The following ANKRD33B variants were observed in gnomAD, a reference collection of about 807,000 sequenced individuals.
ANKRD33B encodes ankyrin repeat domain 33B, also known as ankyrin repeat domain-containing protein 33B.
Under a neutral mutation model 21.5 loss-of-function variants are expected in ANKRD33B, and 6 were observed. The observed-to-expected ratio is 0.28, with a 90% CI of 0.15 to 0.55. The LOEUF (loss-of-function observed/expected upper bound fraction) is 0.55. Among genes scored for constraint, ANKRD33B ranks in the 20% least tolerant of loss-of-function variants. The pLI is 0.94. For synonymous variants in ANKRD33B, 347 were observed against 342.4 expected (o/e 1.01, Z -0.15); for missense variants, 698 against 747.2 (o/e 0.93, Z 0.77).
chr5:10,642,665 T>C (rs529153866), intron 3 of ANKRD33B, among the ~76,000 whole-genome samples: 7 of 152,204 alleles, frequency 4.6e-5, no homozygotes, highest in Non-Finnish European at 8.8e-5. Flanking sequence ...CTCGGGTGCA[T>C]GCTGGGCTTG....
At chr5:10,601,883 TC>T (rs1293939147) in intron 1 of ANKRD33B, among the ~76,000 whole-genome samples, 3 of 152,032 alleles carry the variant, frequency 2.0e-5, no homozygotes, top group Non-Finnish European at 4.4e-5. Flanking sequence ...GGCTGCCATT[TC>T]CCCCCATGGG....
intron 1 of ANKRD33B, among the ~76,000 whole-genome samples, chr5:10,568,006 A>T (rs947491768): frequency 6.6e-6 from 1 of 152,238 alleles, no homozygotes; most frequent in Non-Finnish European, 1.5e-5. Flanking sequence ...ATCTCTGGGC[A>T]TTTAAGAAGG....
chr5:10,564,958 A>T, intron 1 of ANKRD33B, 125 bp downstream of exon 1: 1 of 1,322,378 alleles, frequency 7.6e-7, no homozygotes, highest in Non-Finnish European at 1.0e-6. Context: ...GCCGCCGCCC[A>T]GAGCGCCTTT....
intron 2 of ANKRD33B, among the ~76,000 whole-genome samples, chr5:10,627,711 T>C (rs912743711): frequency 6.6e-6 from 1 of 152,246 alleles, no homozygotes; most frequent in Non-Finnish European, 1.5e-5. Context: ...GTGATGTTCA[T>C]GTTGTTTTGA....
intron 1 of ANKRD33B, among the ~76,000 whole-genome samples, chr5:10,617,102 C>A (rs1433584982): frequency 6.6e-6 from 1 of 152,220 alleles, no homozygotes; most frequent in Non-Finnish European, 1.5e-5. Flanking sequence ...GAGGACTCCA[C>A]CCTCGTGATC....
chr5:10,613,098 C>A (rs970266371), intron 1 of ANKRD33B, among the ~76,000 whole-genome samples: 1 of 152,138 alleles, frequency 6.6e-6, no homozygotes, highest in South Asian at 2.1e-4. Flanking sequence ...ATAGGCCCCA[C>A]GTGGCTCTGG....
At chr5:10,584,269 G>A (rs1461727614) in intron 1 of ANKRD33B, among the ~76,000 whole-genome samples, 1 of 152,170 alleles carries the variant, frequency 6.6e-6, no homozygotes, top group African/African-American at 2.4e-5. Context: ...CTGTCAGCTG[G>A]GGGCGGTGGC....
At chr5:10,615,643 CT>C (rs1272738442) in intron 1 of ANKRD33B, among the ~76,000 whole-genome samples, 3 of 152,268 alleles carry the variant, frequency 2.0e-5, no homozygotes, top group East Asian at 1.9e-4. Context: ...TGGTCTATAA[CT>C]TTTTTTCTTC....
intron 1 of ANKRD33B, among the ~76,000 whole-genome samples, chr5:10,618,033 G>A (rs574859039): frequency 3.3e-5 from 5 of 152,216 alleles, no homozygotes; most frequent in East Asian, 1.9e-4. Flanking sequence ...ATTTCTCTAC[G>A]AGCCCCATAG....
intron 2 of ANKRD33B, among the ~76,000 whole-genome samples, chr5:10,633,991 A>G (rs1736797690): frequency 6.6e-6 from 1 of 152,214 alleles, no homozygotes; most frequent in Non-Finnish European, 1.5e-5. Flanking sequence ...AGGGGGGAAC[A>G]CGTTCTAGCC....
Position 10,657,209 on chromosome 5 carries a change from C to T in ANKRD33B, c.*7096C>T, listed in dbSNP as rs145801837. ...CAAGCCCGTGAGCCTTTGGGGCATCCGACTGAATTTGAAAATAATACCCCA... is the reference window on the plus strand; with the variant it reads ...CAAGCCCGTGAGCCTTTGGGGCATCTGACTGAATTTGAAAATAATACCCCA... On this transcript the variant is annotated 3_prime_UTR_variant, in exon 4 of 4. Transcript: ENST00000296657. The T allele has an allele frequency of 1.4e-3, 211 of 152,438 alleles. 2 individuals carry two copies. The highest frequency in any genetic ancestry group is 4.8e-3 in the African/African-American group (201 of 41,564). The allele number at this position is 152,438 out of a possible 1,614,324, so 9.4% of individuals were successfully genotyped here. A position where few individuals can be genotyped will look rare whatever the true frequency, so the allele number is the denominator to read the frequency against.
rs1444748513 is a variant in ANKRD33B, at chr5:10,649,384, G to A, written c.756G>A (p.Pro252=). 46 of 1,535,362 alleles carry A rather than the reference G, an allele frequency of 3.0e-5. No individual in the cohort carries two copies. The highest frequency in any genetic ancestry group is 3.7e-5 in the Non-Finnish European group (43 of 1,146,698). Residue 252 remains proline, a synonymous_variant, in exon 4 of 4, where the codon CCG becomes CCA. Transcript: ENST00000296657. ...AGAGGCTGCTGGAGCGCCCCTGCCC[G>A]GAGCAGTTCTGGGAGAAGTACCGGC... ...LMQRLLERPC[P]EQFWEKYRPE...
Position 10,619,472 on chromosome 5 carries a change from C to A in ANKRD33B, c.496+1010C>A. 1 of 786,202 alleles carries A rather than the reference C, an allele frequency of 1.3e-6. No individual in the cohort carries two copies. The highest frequency in any genetic ancestry group is 1.5e-6 in the Non-Finnish European group (1 of 647,984). The allele number at this position is 786,202 out of a possible 1,614,324, so 48.7% of individuals were successfully genotyped here. A position where few individuals can be genotyped will look rare whatever the true frequency, so the allele number is the denominator to read the frequency against. The stretch of plus-strand genomic sequence containing the variant: ...TTCACAAGCTCCTGGACCAAAGCCA[C>A]CCTGGGTGGATCTGATGGGTGGGGG... On this transcript the variant is annotated intron_variant, in intron 2 of 3. Coordinates refer to ENST00000296657, the MANE Select transcript of ANKRD33B (RefSeq NM_001164440.2). The surrounding 1 kb of genome is among the most constrained non-coding windows in gnomAD (Gnocchi z 4.5).
At chr5:10,606,699 A>C (rs1365096938) in intron 1 of ANKRD33B, among the ~76,000 whole-genome samples, 4 of 150,106 alleles carry the variant, frequency 2.7e-5, no homozygotes, top group Non-Finnish European at 5.9e-5. Context: ...GTGCCACTGC[A>C]CTCCAGCCTG....
chr5:10,594,910 T>TGAACTGCA (rs1735786537), intron 1 of ANKRD33B, among the ~76,000 whole-genome samples: 1 of 152,042 alleles, frequency 6.6e-6, no homozygotes, highest in African/African-American at 2.4e-5. Context: ...AGAGGATGGG[T>TGAACTGCA]GAACTGCAAA....
chr5:10,571,948 G>A (rs1218963138), intron 1 of ANKRD33B, among the ~76,000 whole-genome samples: 1 of 151,542 alleles, frequency 6.6e-6, no homozygotes, highest in Non-Finnish European at 1.5e-5. Flanking sequence ...GAGTGCAGTG[G>A]CGCAATCTCG....
intron 1 of ANKRD33B, among the ~76,000 whole-genome samples, chr5:10,571,747 G>GT (rs1735198753): frequency 6.6e-6 from 1 of 152,154 alleles, no homozygotes; most frequent in Non-Finnish European, 1.5e-5. Context: ...TTTGCACCAG[G>GT]TAGTCTCCCA....
chr5:10,644,690 G>GTT (rs1374068166), intron 3 of ANKRD33B, among the ~76,000 whole-genome samples: 2 of 152,184 alleles, frequency 1.3e-5, no homozygotes, highest in African/African-American at 4.8e-5. Context: ...CCATATAGAG[G>GTT]TTTCTTTCTG....
intron 2 of ANKRD33B, among the ~76,000 whole-genome samples, chr5:10,625,612 C>T (rs1736527788): frequency 6.6e-6 from 1 of 152,226 alleles, no homozygotes; most frequent in Non-Finnish European, 1.5e-5. Flanking sequence ...ATTTGAGAGG[C>T]TGCGTTATGA....
Sources: gnomAD v4.1 joint callset for allele counts (sites outside exome capture counted in the v4.1 genomes callset) on GRCh38, gnomAD v4.1.1 for gene constraint, Gnocchi (gnomAD v3.1) non-coding constraint, MANE v1.5 for transcripts, NCBI Gene and HGNC (gene_info 2026-07-23, HGNC 2026-07-21) for gene names.